Variants in NELL2 observed in about 807,000 individuals in gnomAD.
NELL2 encodes neural EGFL like 2.
In NELL2, 41 loss-of-function variants were observed where a neutral mutation model predicts 109.6. The observed-to-expected ratio is 0.37, with a 90% CI of 0.29 to 0.49. NELL2 has a LOEUF of 0.49. NELL2 is among the 20% of genes least tolerant of loss of function. The probability of loss-of-function intolerance (pLI) is 0.98; values close to 1 mark genes in which losing one functional copy is unlikely to be tolerated. For missense variants in NELL2, 900 were observed against 1,008.3 expected (o/e 0.89, Z 1.45); for synonymous variants, 355 against 344.7 (o/e 1.03, Z -0.33).
At chr12:44,551,076 G>A (rs1157867398) in intron 15 of NELL2, among the ~76,000 whole-genome samples, 2 of 152,110 alleles carry the variant, frequency 1.3e-5, no homozygotes, top group Admixed American at 6.6e-5. Context: ...ACGTTGGGAG[G>A]TGATGAATAT....
At chr12:44,866,361 T>G (rs1472198632) in intron 2 of NELL2, among the ~76,000 whole-genome samples, 1 of 151,864 alleles carries the variant, frequency 6.6e-6, no homozygotes, top group Non-Finnish European at 1.5e-5. Context: ...AACTAATTGG[T>G]CAAAAAAGAA....
intron 1 of NELL2, among the ~76,000 whole-genome samples, chr12:44,894,417 A>C (rs1945570573): frequency 6.6e-6 from 1 of 152,152 alleles, no homozygotes; most frequent in Non-Finnish European, 1.5e-5. Context: ...TATTTGTTTT[A>C]AATTTTTATC....
chr12:44,606,190 T>G (rs1945395997), intron 15 of NELL2, among the ~76,000 whole-genome samples: 1 of 152,158 alleles, frequency 6.6e-6, no homozygotes, highest in Non-Finnish European at 1.5e-5. Context: ...TGAGCATCCT[T>G]CTGTGCACAG....
At chr12:44,794,820 A>G (rs1942562219) in intron 3 of NELL2, among the ~76,000 whole-genome samples, 1 of 152,194 alleles carries the variant, frequency 6.6e-6, no homozygotes, top group South Asian at 2.1e-4. Context: ...CCCTTCTGTC[A>G]TTAATGAGCA....
intron 15 of NELL2, among the ~76,000 whole-genome samples, chr12:44,606,812 G>A (rs1437997959): frequency 2.0e-5 from 3 of 152,112 alleles, no homozygotes; most frequent in South Asian, 4.2e-4. Flanking sequence ...GCACTGAGTT[G>A]GCCATAAGCT....
intron 9 of NELL2, among the ~76,000 whole-genome samples, chr12:44,718,216 A>G (rs1420503510): frequency 1.3e-5 from 2 of 152,276 alleles, no homozygotes; most frequent in Middle Eastern, 6.8e-3. Flanking sequence ...GATCGGGCCT[A>G]TGCCCTAATT....
At chr12:44,512,926 T>C (rs1256477694) in intron 19 of NELL2, among the ~76,000 whole-genome samples, 1 of 151,986 alleles carries the variant, frequency 6.6e-6, no homozygotes, top group African/African-American at 2.4e-5. Context: ...TAATTAATAA[T>C]AATTTATTGT....
intron 12 of NELL2, among the ~76,000 whole-genome samples, chr12:44,685,373 G>T (rs1374420243): frequency 2.6e-5 from 4 of 151,992 alleles, no homozygotes; most frequent in Non-Finnish European, 5.9e-5. Context: ...TATCCAATTT[G>T]CCAGTCTGTG....
rs186571013 is a variant in NELL2 at position 44,797,941 on chromosome 12, T to C, written c.336-17919A>G. Among the ~76,000 whole-genome samples the C allele has an allele frequency of 8.1e-3, 349 of 43,044 alleles. 14 individuals carry two copies. The highest frequency in any genetic ancestry group is 0.016 in the African/African-American group (323 of 20,438). The allele number at this position is 43,044 out of a possible 152,430, so 28.2% of individuals were successfully genotyped here. On this transcript the variant is annotated intron_variant, in intron 3 of 19. Transcript: ENST00000429094. ...TGGAATAAAACCATTCCATCCTAGA[T>C]GGAATGATGGAATAAAATCATTCCA...
chr12:44,562,541 G>C (rs575194211), intron 15 of NELL2, among the ~76,000 whole-genome samples: 1 of 152,016 alleles, frequency 6.6e-6, no homozygotes, highest in East Asian at 1.9e-4. Context: ...GAAGACATTC[G>C]TGTGACCAAC....
intron 1 of NELL2, among the ~76,000 whole-genome samples, chr12:44,884,247 G>C (rs1397360232): frequency 6.6e-6 from 1 of 151,822 alleles, no homozygotes; most frequent in East Asian, 1.9e-4. Flanking sequence ...GTACATTACA[G>C]AATAACAAAA....
At chr12:44,631,332 A>T (rs1369035017) in intron 13 of NELL2, among the ~76,000 whole-genome samples, 1 of 151,466 alleles carries the variant, frequency 6.6e-6, no homozygotes, top group African/African-American at 2.4e-5. Context: ...AACACATCCA[A>T]AGAACCCATG....
At chr12:44,545,864 C>T (rs1009467642) in intron 15 of NELL2, among the ~76,000 whole-genome samples, 1 of 151,970 alleles carries the variant, frequency 6.6e-6, no homozygotes, top group African/African-American at 2.4e-5. Context: ...ACTTTCTATG[C>T]CTTCCAGAGC....
Position 44,610,989 on chromosome 12 carries a change from T to C in NELL2, c.1445-19A>G. The C allele has an allele frequency of 6.2e-7, 1 of 1,609,506 alleles. No homozygotes were observed. The highest frequency in any genetic ancestry group is 8.5e-7 in the Non-Finnish European group (1 of 1,176,784). ...TCATGTTCTGAAATGAGGAATACAA[T>C]TTTGTTACTCAAAGTTATATTTCCA... On this transcript the variant is annotated intron_variant, in intron 13 of 19. Coordinates refer to ENST00000429094, the MANE Select transcript of NELL2 (RefSeq NM_001145108.2).
At chr12:44,523,886 T>C (rs552489082) in intron 16 of NELL2, among the ~76,000 whole-genome samples, 10 of 152,288 alleles carry the variant, frequency 6.6e-5, no homozygotes, top group African/African-American at 2.2e-4. Context: ...CTGGTGATTA[T>C]AGAAAAATCC....
chr12:44,885,481 T>C (rs1409321732), intron 1 of NELL2, among the ~76,000 whole-genome samples: 1 of 151,918 alleles, frequency 6.6e-6, no homozygotes, highest in Admixed American at 6.6e-5. Flanking sequence ...ATTCTATTTG[T>C]ATATCCTAGC....
At chr12:44,587,316 T>TTTA (rs1475476791) in intron 15 of NELL2, among the ~76,000 whole-genome samples, 1 of 135,916 alleles carries the variant, frequency 7.4e-6, no homozygotes, top group African/African-American at 2.7e-5. Context: ...TATTTTTTTT[T>TTTA]AAATATGAAG....
intron 3 of NELL2, among the ~76,000 whole-genome samples, chr12:44,805,597 C>A (rs1462935696): frequency 6.6e-6 from 1 of 151,580 alleles, no homozygotes; most frequent in Non-Finnish European, 1.5e-5. Flanking sequence ...TCCAACATGT[C>A]AATTTTTTTC....
chr12:44,848,568 A>G (rs1387752604), intron 2 of NELL2, among the ~76,000 whole-genome samples: 1 of 152,142 alleles, frequency 6.6e-6, no homozygotes, highest in Non-Finnish European at 1.5e-5. Flanking sequence ...CCTGGACAGA[A>G]GCCAGAGAAT....
Sources: gnomAD v4.1 joint callset for allele counts (sites outside exome capture counted in the v4.1 genomes callset) on GRCh38, gnomAD v4.1.1 for gene constraint, MANE v1.5 for transcripts, NCBI Gene and HGNC (gene_info 2026-07-23, HGNC 2026-07-21) for gene names.